The following WWOX variants were observed in gnomAD, a reference collection of about 807,000 sequenced individuals.
The protein encoded by WWOX is WW domain containing oxidoreductase, also known as WW domain-containing oxidoreductase.
In WWOX, 69 loss-of-function variants were observed where a neutral mutation model predicts 46.2. The ratio of observed to expected loss-of-function variants is 1.49; its 90% CI spans 1.23 to 1.82. The LOEUF (loss-of-function observed/expected upper bound fraction) is 1.82, where lower values mean the gene tolerates loss of function less well. WWOX is among the 40% of genes most tolerant of loss of function. WWOX has a pLI of 0.00. For synonymous variants in WWOX, 359 were observed against 202.6 expected, an observed-to-expected ratio of 1.77 and a Z score of -6.56; for missense variants, 919 against 542.6, an observed-to-expected ratio of 1.69 and a Z score of -6.89.
At chr16:79,188,846 G>C (rs1203467734) in intron 8 of WWOX, among the ~76,000 whole-genome samples, 1 of 152,190 alleles carries the variant, frequency 6.6e-6, no homozygotes, top group Non-Finnish European at 1.5e-5. Flanking sequence ...TTGCATTTCT[G>C]TGGCGCCAAG....
intron 8 of WWOX, among the ~76,000 whole-genome samples, chr16:78,953,392 T>C (rs2046101978): frequency 6.6e-6 from 1 of 152,320 alleles, no homozygotes; most frequent in South Asian, 2.1e-4. Context: ...TGCTGCTAAT[T>C]GCAAACACAA....
chr16:78,404,577 A>G (rs2082483705), intron 6 of WWOX, among the ~76,000 whole-genome samples: 3 of 152,128 alleles, frequency 2.0e-5, no homozygotes, highest in African/African-American at 4.8e-5. Flanking sequence ...TGGCCTATCA[A>G]ATTTCTTTCA....
chr16:78,845,259 C>T (rs868022213), intron 8 of WWOX, among the ~76,000 whole-genome samples: 4 of 150,408 alleles, frequency 2.7e-5, no homozygotes, highest in African/African-American at 9.8e-5. Context: ...CAAAATGAAA[C>T]TTAAGACTAC....
rs1468957513 is a variant in WWOX, at chr16:78,881,667, T to TA, written c.1057-329940dup. 1.3e-4 allele frequency among the ~76,000 whole-genome samples: 20 copies of TA among 152,308 alleles called. 1 individual carries two copies. Among genetic ancestry groups the TA allele is most frequent in the Admixed American group, 9.8e-4 (15 of 15,302 alleles). Reference sequence around the variant, plus strand: ...TTAGCTCCATTGTGTTAAATACAGATAGACAATATTTGTACATGATAGGTT... The same window carrying TA: ...TTAGCTCCATTGTGTTAAATACAGATAAGACAATATTTGTACATGATAGGTT... On this transcript the variant is annotated intron_variant, in intron 8 of 8. Transcript: ENST00000566780.
At chr16:78,892,835 G>T (rs1352997682) in intron 8 of WWOX, among the ~76,000 whole-genome samples, 5 of 152,130 alleles carry the variant, frequency 3.3e-5, no homozygotes. Flanking sequence ...TGATCCAATT[G>T]GATTAAGGAA....
intron 8 of WWOX, among the ~76,000 whole-genome samples, chr16:78,938,121 C>G (rs369804268): frequency 8.5e-5 from 13 of 152,272 alleles, no homozygotes; most frequent in African/African-American, 3.1e-4. Context: ...TTTTTCATCT[C>G]CTCACATCTG....
At chr16:79,139,506 C>G (rs1489467638) in intron 8 of WWOX, among the ~76,000 whole-genome samples, 2 of 152,202 alleles carry the variant, frequency 1.3e-5, no homozygotes, top group African/African-American at 4.8e-5. Flanking sequence ...ATTTGTCCAT[C>G]ATTTTTACTG....
intron 8 of WWOX, among the ~76,000 whole-genome samples, chr16:78,669,529 T>C (rs1463152810): frequency 6.6e-6 from 1 of 152,170 alleles, no homozygotes; most frequent in African/African-American, 2.4e-5. Flanking sequence ...CATAGGACAG[T>C]ACCTACCACA....
chr16:78,940,579 A>G (rs2045831871), intron 8 of WWOX, among the ~76,000 whole-genome samples: 1 of 152,050 alleles, frequency 6.6e-6, no homozygotes. Context: ...GAGTGGGGGT[A>G]TATAGGTTTT....
At chr16:78,536,538 C>T (rs994582941) in intron 8 of WWOX, among the ~76,000 whole-genome samples, 1 of 152,162 alleles carries the variant, frequency 6.6e-6, no homozygotes, top group Non-Finnish European at 1.5e-5. Context: ...CTTGGTGCAA[C>T]TTCGCACCAC....
chr16:78,840,813 A>C (rs184156822), intron 8 of WWOX, among the ~76,000 whole-genome samples: 6 of 151,798 alleles, frequency 4.0e-5, no homozygotes, highest in South Asian at 2.1e-4. Flanking sequence ...AGGTATATAT[A>C]TTTGTGGTCT....
intron 8 of WWOX, among the ~76,000 whole-genome samples, chr16:78,741,364 C>A (rs1287950198): frequency 6.6e-6 from 1 of 152,058 alleles, no homozygotes; most frequent in Admixed American, 6.6e-5. Flanking sequence ...AGATCGAGAT[C>A]AGCCGGGCCA....
In WWOX at chr16:78,108,361, T is replaced by C. The variant is rs1168344749; in HGVS notation, c.108-62T>C. ...CTGGGAGAGAAAAAATTTAATACAA[T>C]TGATTACTTTTTAGAAGAGTTAATT... On this transcript the variant is annotated intron_variant, in intron 1 of 8. Coordinates refer to ENST00000566780, the MANE Select transcript of WWOX (RefSeq NM_016373.4). 8 of 1,528,170 alleles carry C rather than the reference T, an allele frequency of 5.2e-6. No individual in the cohort carries two copies. The Admixed American group carries it at 1.2e-4, about 23-fold the overall frequency. 94.7% of individuals were successfully genotyped at this position (1,528,170 alleles called of 1,614,324 possible).
chr16:78,830,615 C>T (rs185962165), intron 8 of WWOX, among the ~76,000 whole-genome samples: 5 of 151,998 alleles, frequency 3.3e-5, no homozygotes, highest in Admixed American at 3.3e-4. Flanking sequence ...TTCAGACAAT[C>T]GAAAAATTGA....
At chr16:78,521,282 C>T (rs2043343257) in intron 8 of WWOX, among the ~76,000 whole-genome samples, 1 of 152,096 alleles carries the variant, frequency 6.6e-6, no homozygotes, top group Non-Finnish European at 1.5e-5. Flanking sequence ...GTCTCTAACT[C>T]CTGGCCTCAA....
chr16:78,583,816 C>G (rs562168131), intron 8 of WWOX, among the ~76,000 whole-genome samples: 8 of 152,278 alleles, frequency 5.3e-5, no homozygotes, highest in African/African-American at 1.2e-4. Flanking sequence ...CTGAAAGAGT[C>G]CACTGCAGAT....
intron 8 of WWOX, among the ~76,000 whole-genome samples, chr16:78,666,911 C>T (rs1476578269): frequency 6.6e-6 from 1 of 152,162 alleles, no homozygotes; most frequent in African/African-American, 2.4e-5. Context: ...GGCAGCTTCT[C>T]CCAAGACACT....
chr16:78,936,511 A>T (rs372239137), intron 8 of WWOX, among the ~76,000 whole-genome samples: 47 of 152,308 alleles, frequency 3.1e-4, no homozygotes, highest in African/African-American at 1.1e-3. Context: ...GAGGCAACCT[A>T]TTAAAACTCA....
intron 8 of WWOX, among the ~76,000 whole-genome samples, chr16:78,564,835 TTTTTC>T: frequency 6.6e-6 from 1 of 152,118 alleles, no homozygotes; most frequent in African/African-American, 2.4e-5. Flanking sequence ...TCAGTTTTAT[TTTTTC>T]TTTTCTTTCC....
Sources: gnomAD v4.1 joint callset for allele counts (sites outside exome capture counted in the v4.1 genomes callset) on GRCh38, gnomAD v4.1.1 for gene constraint, MANE v1.5 for transcripts, NCBI Gene and HGNC (gene_info 2026-07-23, HGNC 2026-07-21) for gene names.